Variants in NOL10 observed in about 807,000 individuals in gnomAD.
NOL10 encodes the protein nucleolar protein 10.
Under a neutral mutation model 103.5 loss-of-function variants are expected in NOL10, and 58 were observed. That is an observed-to-expected ratio of 0.56 (90% CI 0.45 to 0.70). The LOEUF (loss-of-function observed/expected upper bound fraction) is 0.70. NOL10 is among the 30% of genes least tolerant of loss of function. The pLI is 0.00. For synonymous variants in NOL10, 287 were observed against 282.5 expected, an observed-to-expected ratio of 1.02 and a Z score of -0.16; for missense variants, 763 against 807.3, an observed-to-expected ratio of 0.95 and a Z score of 0.67.
chr2:10,668,223 G>A (rs981567154), intron 7 of NOL10, among the ~76,000 whole-genome samples: 2 of 152,104 alleles, frequency 1.3e-5, no homozygotes, highest in African/African-American at 4.8e-5. Flanking sequence ...AAAAATTTTT[G>A]CTGCATAGTA....
chr2:10,611,286 C>T (rs1243789095), intron 13 of NOL10, among the ~76,000 whole-genome samples: 1 of 152,210 alleles, frequency 6.6e-6, no homozygotes, highest in Non-Finnish European at 1.5e-5. Flanking sequence ...AAGGCCACAA[C>T]TCAAATGCAG....
chr2:10,573,894 GC>G (rs530335428), intron 20 of NOL10, among the ~76,000 whole-genome samples: 192 of 152,274 alleles, frequency 1.3e-3, no homozygotes, highest in African/African-American at 4.4e-3. Flanking sequence ...CCACGGAGCT[GC>G]CTTCCTCGTG....
At position 10,571,634 on chromosome 2, in the gene NOL10, A is replaced by G. The variant is rs947851432; in HGVS notation, c.*437T>C. The G allele has an allele frequency of 7.1e-5, 11 of 154,546 alleles. No homozygotes were observed. Among genetic ancestry groups the G allele is most frequent in the African/African-American group, 2.2e-4 (9 of 41,482 alleles). 9.6% of individuals were successfully genotyped at this position (154,546 alleles called of 1,614,324 possible). The stretch of plus-strand genomic sequence containing the variant: ...ATAAACACAAACACAGGCAATACAC[A>G]GACACCAGGTAAAACAGGGATGGTA... On this transcript the variant is annotated 3_prime_UTR_variant, in exon 21 of 21. Transcript: ENST00000381685.
intron 2 of NOL10, 41 bp from the exon 3 acceptor site, chr2:10,682,110 G>T: frequency 1.1e-6 from 1 of 885,452 alleles, no homozygotes; most frequent in Non-Finnish European, 1.7e-6. Context: ...ACTAACATGT[G>T]CTTATTCTCT....
intron 13 of NOL10, among the ~76,000 whole-genome samples, chr2:10,638,330 GACGTAACGTAACGTAACGTA>G (rs3061339): frequency 3.2e-5 from 3 of 92,824 alleles, no homozygotes; most frequent in African/African-American, 1.5e-4. Context: ...GACGTGACGT[GACGTAACGTAACGTAACGTA>G]ACGTAACGTA....
At chr2:10,603,220 T>C in intron 14 of NOL10, 63 bp from the exon 15 acceptor site, 1 of 1,211,092 alleles carries the variant, frequency 8.3e-7, no homozygotes, top group Non-Finnish European at 1.2e-6. Flanking sequence ...TTCAACAGTT[T>C]TTCTTGGGCA....
intron 13 of NOL10, among the ~76,000 whole-genome samples, chr2:10,642,753 GTCCC>G (rs1678792074): frequency 6.6e-6 from 1 of 152,062 alleles, no homozygotes; most frequent in African/African-American, 2.4e-5. Flanking sequence ...CTATCCTTCG[GTCCC>G]TCCTTCAAAG....
In NOL10 at chr2:10,689,888, C is replaced by T. The variant is rs1014579215; in HGVS notation, c.-27G>A. The stretch of plus-strand genomic sequence containing the variant: ...GCGCCGCACAACACTGTTCAAGTCC[C>T]GGGTCCTTTCCCACCAGCGTGCTCG... On this transcript the variant is annotated 5_prime_UTR_variant, in exon 1 of 21. Transcript: ENST00000381685. 7.5e-6 allele frequency: 12 copies of T among 1,589,872 alleles called. No individual in the cohort carries two copies. In the African/African-American group the frequency reaches 1.3e-4, roughly 18 times the overall value.
Position 10,671,612 on chromosome 2 carries a change from A to C in NOL10, c.406T>G (p.Phe136Val). 1 of 1,600,556 alleles carries C rather than the reference A, an allele frequency of 6.2e-7. No individual in the cohort carries two copies. Among genetic ancestry groups the C allele is most frequent in the Non-Finnish European group, 8.5e-7 (1 of 1,173,152 alleles). ...TAGTGGTAAGAGAAATCTCTCCCAA[A>C]CTTTGGTATTCTGGTTTTGTAGTAA... ...GFYYKTRIPK[F>V]GRDFSYHYPS... Residue 136 changes from phenylalanine to valine, a missense_variant, in exon 6 of 21, where the codon TTT becomes GTT. Coordinates refer to ENST00000381685, the MANE Select transcript of NOL10 (RefSeq NM_024894.4).
chr2:10,606,853 T>C (rs1290149392), intron 14 of NOL10, among the ~76,000 whole-genome samples: 2 of 152,178 alleles, frequency 1.3e-5, no homozygotes, highest in Non-Finnish European at 2.9e-5. Flanking sequence ...AACCTTATTA[T>C]ACTTCAGATA....
Position 10,684,556 on chromosome 2 carries a change from A to G in NOL10, c.112+11T>C, listed in dbSNP as rs1558358918. On this transcript the variant is annotated intron_variant, in intron 2 of 20. Coordinates refer to ENST00000381685, the MANE Select transcript of NOL10 (RefSeq NM_024894.4). ...ACTAACGCAGCTGAAGTGGGAAAAA[A>G]CAATACTCACCTACATCTTTCTTCT... 1 of 1,570,216 alleles carries G rather than the reference A, an allele frequency of 6.4e-7. No homozygotes were observed. The highest frequency in any genetic ancestry group is 2.3e-5 in the East Asian group (1 of 43,432).
At chr2:10,666,882 T>G (rs1033168784) in intron 8 of NOL10, among the ~76,000 whole-genome samples, 1 of 152,180 alleles carries the variant, frequency 6.6e-6, no homozygotes, top group Non-Finnish European at 1.5e-5. Flanking sequence ...ATTTGGTGAC[T>G]GGAAGGTATA....
At chr2:10,607,034 C>A in intron 14 of NOL10, 151 bp downstream of exon 14, 3 of 459,186 alleles carry the variant, frequency 6.5e-6, no homozygotes, top group Non-Finnish European at 1.1e-5. Context: ...ACAAATCTGA[C>A]AATTTATAAT....
intron 13 of NOL10, among the ~76,000 whole-genome samples, chr2:10,641,586 T>C (rs1678701639): frequency 6.6e-6 from 1 of 152,118 alleles, no homozygotes; most frequent in African/African-American, 2.4e-5. Flanking sequence ...ATGCAGAAAA[T>C]ACCAAAGGGA....
chr2:10,605,695 T>C (rs551749036), intron 14 of NOL10, among the ~76,000 whole-genome samples: 516 of 152,274 alleles, frequency 3.4e-3, no homozygotes, highest in African/African-American at 0.012. Flanking sequence ...AATGACCTTT[T>C]TTCATTCGAT....
intron 19 of NOL10, 49 bp downstream of exon 19, chr2:10,588,994 G>C: frequency 1.3e-6 from 2 of 1,597,502 alleles, no homozygotes; most frequent in Non-Finnish European, 8.5e-7. Context: ...GAGAGGAAAA[G>C]CAAGGGCTTG....
At chr2:10,657,637 G>C in intron 11 of NOL10, 105 bp downstream of exon 11, 1 of 949,638 alleles carries the variant, frequency 1.1e-6, no homozygotes, top group Non-Finnish European at 1.5e-6. Context: ...TGTATATTCA[G>C]TATCTCTTTC....
intron 9 of NOL10, among the ~76,000 whole-genome samples, chr2:10,662,127 A>G (rs1419472846): frequency 1.3e-5 from 2 of 152,224 alleles, no homozygotes; most frequent in Non-Finnish European, 1.5e-5. Flanking sequence ...CATGTATGCC[A>G]TTGACGAATA....
In NOL10 at chr2:10,607,245, G is replaced by A. The variant is rs1199661532; in HGVS notation, c.1093C>T (p.Pro365Ser). Residue 365 changes from proline (P) to serine (S), a missense_variant, in exon 14 of 21, where the codon CCA becomes TCA. Physicochemically the swap from Pro to Ser is moderately conservative, Grantham distance 74. Transcript: ENST00000381685. Reference sequence around the variant, plus strand: ...TAATCATCATAGACTGTGCTTTCTGGATTCTCTTCTAATTCTTCGGTCAAG... The same window carrying A: ...TAATCATCATAGACTGTGCTTTCTGAATTCTCTTCTAATTCTTCGGTCAAG... ...DNLTEELEEN[P>S]ESTVYDDYKF... is the part of the protein sequence containing the mutation. 6.2e-7 allele frequency: 1 copy of A among 1,608,392 alleles called. No homozygotes were observed. Among genetic ancestry groups the A allele is most frequent in the Admixed American group, 1.7e-5 (1 of 59,506 alleles).
Sources: gnomAD v4.1 joint callset for allele counts (sites outside exome capture counted in the v4.1 genomes callset) on GRCh38, gnomAD v4.1.1 for gene constraint, MANE v1.5 for transcripts, NCBI Gene and HGNC (gene_info 2026-07-23, HGNC 2026-07-21) for gene names.